The following CLSTN2 variants were observed in gnomAD, a reference collection of about 807,000 sequenced individuals.
CLSTN2 encodes calsyntenin 2.
Under a neutral mutation model 101.2 loss-of-function variants are expected in CLSTN2, and 48 were observed. That is an observed-to-expected ratio of 0.47 (90% confidence interval 0.38 to 0.60). The LOEUF is 0.60. CLSTN2 is among the 20% of genes least tolerant of loss of function. CLSTN2 has a pLI of 0.00. For missense variants in CLSTN2, 1,160 were observed against 1,238.2 expected, an observed-to-expected ratio of 0.94 and a Z score of 0.95; for synonymous variants, 481 against 463.6, an observed-to-expected ratio of 1.04 and a Z score of -0.48.
chr3:140,053,889 C>A (rs1292493146), intron 1 of CLSTN2, among the ~76,000 whole-genome samples: 2 of 152,052 alleles, frequency 1.3e-5, no homozygotes, highest in East Asian at 3.9e-4. Flanking sequence ...TGTAAGGAAC[C>A]TTTTTCACTG....
At chr3:140,065,046 T>G (rs2008275270) in intron 1 of CLSTN2, among the ~76,000 whole-genome samples, 2 of 152,210 alleles carry the variant, frequency 1.3e-5, no homozygotes, top group Admixed American at 6.5e-5. Flanking sequence ...AAAGTTAACT[T>G]GGCTAACAAC....
intron 2 of CLSTN2, among the ~76,000 whole-genome samples, chr3:140,355,404 C>A (rs1174627984): frequency 6.6e-6 from 1 of 152,114 alleles, no homozygotes; most frequent in Non-Finnish European, 1.5e-5. Context: ...TGTTGTGAGG[C>A]TTAATGAGAA....
In CLSTN2 at chr3:140,240,215, CACACACATATAT is replaced by C. The variant is rs1203652416; in HGVS notation, c.232+64144_232+64155del. ...ATATATATATACACACACACACACACACACACATATATATATATGCATATATACACATATATA... is the reference window on the plus strand; with the variant it reads ...ATATATATATACACACACACACACACATATATGCATATATACACATATATA... On this transcript the variant is annotated intron_variant, in intron 2 of 16. Coordinates refer to ENST00000458420, the MANE Select transcript of CLSTN2 (RefSeq NM_022131.3). Among the ~76,000 whole-genome samples the C allele has an allele frequency of 6.4e-3, 201 of 31,460 alleles. 7 individuals carry two copies. The highest frequency in any genetic ancestry group is 0.019 in the African/African-American group (191 of 9,862). The allele number at this position is 31,460 out of a possible 152,430, so 20.6% of individuals were successfully genotyped here.
intron 2 of CLSTN2, among the ~76,000 whole-genome samples, chr3:140,262,083 A>T (rs1050622026): frequency 6.6e-6 from 1 of 152,182 alleles, no homozygotes; most frequent in Non-Finnish European, 1.5e-5. Context: ...AACTTTCCTG[A>T]AGCTTAGTTT....
chr3:140,098,309 C>T (rs2008905765), intron 1 of CLSTN2, among the ~76,000 whole-genome samples: 2 of 152,162 alleles, frequency 1.3e-5, no homozygotes, highest in Non-Finnish European at 2.9e-5. Context: ...TTGTAATCTT[C>T]TACCAACTTC....
intron 2 of CLSTN2, among the ~76,000 whole-genome samples, chr3:140,353,126 T>C (rs1340679205): frequency 3.3e-5 from 5 of 152,216 alleles, no homozygotes; most frequent in African/African-American, 1.2e-4. Context: ...ATAGGTTATA[T>C]GCAAATACTA....
Position 140,073,576 on chromosome 3 carries a change from T to C in CLSTN2, c.110-102375T>C, listed in dbSNP as rs550985759. Among the ~76,000 whole-genome samples, 6 of 152,290 alleles carry C rather than the reference T, an allele frequency of 3.9e-5. No homozygotes were observed. In the East Asian group the frequency reaches 1.2e-3, roughly 29 times the overall value. On this transcript the variant is annotated intron_variant, in intron 1 of 16. Coordinates refer to ENST00000458420, the MANE Select transcript of CLSTN2 (RefSeq NM_022131.3). ...ATTCATGGTGCCATGCAGACATCCATCCCTGTAAAGCATCTCCCAATGGAC... is the reference window on the plus strand; with the variant it reads ...ATTCATGGTGCCATGCAGACATCCACCCCTGTAAAGCATCTCCCAATGGAC...
chr3:140,238,626 C>T (rs1211711568), intron 2 of CLSTN2, among the ~76,000 whole-genome samples: 1 of 152,058 alleles, frequency 6.6e-6, no homozygotes, highest in East Asian at 1.9e-4. Flanking sequence ...ACATTTGGCC[C>T]AACTTTTACA....
chr3:140,101,667 A>G (rs903016225), intron 1 of CLSTN2, among the ~76,000 whole-genome samples: 1 of 152,218 alleles, frequency 6.6e-6, no homozygotes, highest in African/African-American at 2.4e-5. Flanking sequence ...TTTATTTGTC[A>G]TTCTTGCAAA....
intron 9 of CLSTN2, among the ~76,000 whole-genome samples, chr3:140,537,617 C>T (rs1330147146): frequency 6.6e-6 from 1 of 152,178 alleles, no homozygotes; most frequent in Non-Finnish European, 1.5e-5. Flanking sequence ...CATGGCTGAG[C>T]TCACCCAGTG....
chr3:140,012,716 G>T (rs1455431123), intron 1 of CLSTN2, among the ~76,000 whole-genome samples: 1 of 152,218 alleles, frequency 6.6e-6, no homozygotes, highest in Non-Finnish European at 1.5e-5. Context: ...CAAATAGGAA[G>T]GGTTGGAAAT....
chr3:140,230,967 G>A (rs1015793057), intron 2 of CLSTN2, among the ~76,000 whole-genome samples: 4 of 152,140 alleles, frequency 2.6e-5, no homozygotes, highest in Non-Finnish European at 5.9e-5. Flanking sequence ...GGTCAGCCTG[G>A]CAGTTTCTGA....
At chr3:140,371,277 G>A (rs2107957565) in intron 2 of CLSTN2, among the ~76,000 whole-genome samples, 2 of 152,182 alleles carry the variant, frequency 1.3e-5, no homozygotes, top group South Asian at 4.2e-4. Flanking sequence ...GAAGATAAGG[G>A]GTAGAGGCTG....
At chr3:140,096,736 G>A (rs548135430) in intron 1 of CLSTN2, among the ~76,000 whole-genome samples, 1 of 152,316 alleles carries the variant, frequency 6.6e-6, no homozygotes, top group Non-Finnish European at 1.5e-5. Context: ...CCAGGCTCCT[G>A]ATTCAGAGTT....
chr3:140,075,743 T>C (rs935378650), intron 1 of CLSTN2, among the ~76,000 whole-genome samples: 1 of 152,098 alleles, frequency 6.6e-6, no homozygotes, highest in African/African-American at 2.4e-5. Context: ...CTTTTTTGGT[T>C]CTAGTGCTCA....
chr3:140,163,331 T>G (rs2107821105), intron 1 of CLSTN2, among the ~76,000 whole-genome samples: 1 of 151,882 alleles, frequency 6.6e-6, no homozygotes, highest in African/African-American at 2.4e-5. Flanking sequence ...TCTGTCTGGG[T>G]TTTCAGCCTG....
chr3:140,383,439 C>G (rs1296453040), intron 2 of CLSTN2, among the ~76,000 whole-genome samples: 1 of 152,200 alleles, frequency 6.6e-6, no homozygotes, highest in Admixed American at 6.5e-5. Context: ...CGTGGAAGTT[C>G]TGGACCAAAT....
At chr3:140,067,483 A>G (rs1320617104) in intron 1 of CLSTN2, among the ~76,000 whole-genome samples, 2 of 152,200 alleles carry the variant, frequency 1.3e-5, no homozygotes, top group East Asian at 3.9e-4. Context: ...ACTTGGCACA[A>G]AGGCTGTTAC....
At chr3:140,013,397 C>T (rs2007128824) in intron 1 of CLSTN2, among the ~76,000 whole-genome samples, 1 of 152,188 alleles carries the variant, frequency 6.6e-6, no homozygotes, top group Non-Finnish European at 1.5e-5. Context: ...GAAGGCCTAG[C>T]TACTTGTTCC....
Sources: allele counts gnomAD v4.1 joint callset (sites outside exome capture counted in the v4.1 genomes callset), GRCh38; gene constraint gnomAD v4.1.1; transcripts MANE v1.5; gene names NCBI Gene and HGNC (gene_info 2026-07-23, HGNC 2026-07-21).